The following PGAP4 variants were observed in gnomAD, a reference collection of about 807,000 sequenced individuals.
PGAP4 encodes the protein GPI-N-acetylgalactosamine transferase PGAP4.
Under a neutral mutation model 28.2 loss-of-function variants are expected in PGAP4, and 12 were observed. That is an observed-to-expected ratio of 0.42 (90% CI 0.27 to 0.69). The LOEUF (loss-of-function observed/expected upper bound fraction) is 0.69. PGAP4 is among the 30% of genes least tolerant of loss of function. The probability of loss-of-function intolerance (pLI) is 0.22; values close to 1 mark genes in which losing one functional copy is unlikely to be tolerated. For synonymous variants in PGAP4, 205 were observed against 211.8 expected (o/e 0.97, Z 0.28); for missense variants, 425 against 513.5 (o/e 0.83, Z 1.67).
At chr9:101,510,129 A>C (rs574827214) in intron 2 of PGAP4, among the ~76,000 whole-genome samples, 1 of 152,196 alleles carries the variant, frequency 6.6e-6, no homozygotes, top group Non-Finnish European at 1.5e-5. Flanking sequence ...GTTGTGCCTC[A>C]GTATCCTCTG....
Position 101,495,813 on chromosome 9 carries a change from T to A in PGAP4, c.-164-6613A>T, listed in dbSNP as rs189439402. Among the ~76,000 whole-genome samples, 261 of 151,244 alleles carry A rather than the reference T, an allele frequency of 1.7e-3. 2 individuals are homozygous for A. In the Middle Eastern group the frequency reaches 0.031, roughly 18 times the overall value. The stretch of plus-strand genomic sequence containing the variant: ...AAACATAAAATGTTTGAGTTTTTTT[T>A]TTAAGGCCAGTTACAAAAAGGTAAA... On this transcript the variant is annotated intron_variant, in intron 2 of 3. Coordinates refer to the PGAP4 transcript ENST00000374851.
intron 2 of PGAP4, among the ~76,000 whole-genome samples, chr9:101,509,007 AT>A (rs1299799888): frequency 6.6e-6 from 1 of 152,130 alleles, no homozygotes; most frequent in African/African-American, 2.4e-5. Flanking sequence ...GACAGTTAGG[AT>A]TTGAAGTTGT....
rs189720038 is a variant in PGAP4 at position 101,530,064 on chromosome 9, C to T, written c.-165+1284G>A. On this transcript the variant is annotated intron_variant, in intron 2 of 3. Coordinates refer to the PGAP4 transcript ENST00000374851. ...CCAGATTTCATGGAATATTGGAATG[C>T]CTGGAGATATAACAATCTTAGAACA... Among the ~76,000 whole-genome samples the T allele has an allele frequency of 4.6e-5, 7 of 152,240 alleles. No individual in the cohort carries two copies. In the East Asian group the frequency reaches 1.4e-3, roughly 29 times the overall value.
chr9:101,523,765 C>G (rs946273372), intron 2 of PGAP4, among the ~76,000 whole-genome samples: 5 of 151,148 alleles, frequency 3.3e-5, no homozygotes, highest in African/African-American at 9.8e-5. Flanking sequence ...GGTTTGGATC[C>G]ATTGCTGGTG....
At chr9:101,501,780 A>G (rs1826803346) in intron 2 of PGAP4, 1 of 517,946 alleles carries the variant, frequency 1.9e-6, no homozygotes, top group Non-Finnish European at 3.9e-6. Context: ...GGATTGAACA[A>G]TGCCAGACAC....
intron 2 of PGAP4, among the ~76,000 whole-genome samples, chr9:101,493,025 C>A: frequency 6.6e-6 from 1 of 152,012 alleles, no homozygotes; most frequent in Non-Finnish European, 1.5e-5. Flanking sequence ...GAGGCCGAGG[C>A]GGGCGGATCA....
intron 2 of PGAP4, among the ~76,000 whole-genome samples, chr9:101,515,565 AG>A (rs1267106665): frequency 6.6e-6 from 1 of 152,208 alleles, no homozygotes; most frequent in Non-Finnish European, 1.5e-5. Flanking sequence ...AGGACTAAAA[AG>A]GTTTTGCTGA....
chr9:101,481,560 C>T (rs929374330), intron 1 of PGAP4: 3 of 152,256 alleles, frequency 2.0e-5, no homozygotes, highest in Admixed American at 6.5e-5. Context: ...AATTCTCTAC[C>T]TGTTACCATA....
intron 2 of PGAP4, among the ~76,000 whole-genome samples, chr9:101,494,155 G>C (rs1227933287): frequency 1.3e-5 from 2 of 151,924 alleles, no homozygotes; most frequent in African/African-American, 2.4e-5. Context: ...TTTTAAGGCT[G>C]AGAATTCTTG....
At chr9:101,516,993 G>A (rs11790317) in intron 2 of PGAP4, among the ~76,000 whole-genome samples, 13,838 of 152,166 alleles carry the variant, frequency 0.091, 670 homozygotes, top group Middle Eastern at 0.14. Context: ...CATGCTGATT[G>A]AAGACTGAAG....
Position 101,473,229 on chromosome 9 carries a change from C to G in PGAP4, c.*2652G>C, listed in dbSNP as rs1241140767. 1.3e-5 allele frequency: 2 copies of G among 152,202 alleles called. No homozygotes were observed. The highest frequency in any genetic ancestry group is 2.4e-5 in the African/African-American group (1 of 41,448). 9.4% of individuals were successfully genotyped at this position (152,202 alleles called of 1,614,324 possible). On this transcript the variant is annotated 3_prime_UTR_variant, in exon 2 of 2. Transcript: ENST00000374848. ...CATGTCTATGCAATACACTCAGTCACAAGAGAGAGCTTCTTAAGCCTGACC... is the reference window on the plus strand; with the variant it reads ...CATGTCTATGCAATACACTCAGTCAGAAGAGAGAGCTTCTTAAGCCTGACC...
intron 2 of PGAP4, among the ~76,000 whole-genome samples, chr9:101,523,638 T>G (rs1272950247): frequency 9.8e-6 from 1 of 102,534 alleles, no homozygotes. Flanking sequence ...TTTTTTTTTT[T>G]TTTTTTTTTT....
At chr9:101,489,430 G>A (rs781607286), upstream of PGAP4, among the ~76,000 whole-genome samples, 3 of 152,076 alleles carry the variant, frequency 2.0e-5, no homozygotes, top group Admixed American at 6.6e-5. Flanking sequence ...AAGGCATAGT[G>A]CAGTGCATAC....
intron 2 of PGAP4, among the ~76,000 whole-genome samples, chr9:101,509,953 C>T (rs1826881192): frequency 6.6e-6 from 1 of 152,172 alleles, no homozygotes; most frequent in African/African-American, 2.4e-5. Flanking sequence ...AATAGTTCTG[C>T]AGCCATAGTG....
At chr9:101,507,556 T>G (rs1826858086) in intron 2 of PGAP4, among the ~76,000 whole-genome samples, 1 of 152,138 alleles carries the variant, frequency 6.6e-6, no homozygotes. Flanking sequence ...GCTCAGTTCT[T>G]GAACCCCTTC....
upstream of PGAP4, among the ~76,000 whole-genome samples, chr9:101,491,818 T>TATAC (rs1216581215): frequency 1.2e-5 from 1 of 82,546 alleles, no homozygotes; most frequent in African/African-American, 3.7e-5. Flanking sequence ...AAAGGATATA[T>TATAC]ATATATATAT....
chr9:101,476,685 G>A lies in PGAP4; in HGVS notation c.408C>T (p.Cys136=), dbSNP rs73501251. The change falls in exon 2 of 2, where the codon TGC becomes TGT. Residue 136 remains cysteine (C), a synonymous_variant. Transcript: ENST00000374848. This position sits in a 1 kb window ranked among gnomAD's most constrained non-coding sequence, Gnocchi z 7.0. ...HRLLQQCGPQ[C]EGHQLFLCNV... ...TGCACAGGAAGAGTTGGTGCCCCTC[G>A]CACTGGGGGCCACATTGCTGAAGAA... is the stretch of plus-strand genomic sequence containing the variant. 3,080 of 1,614,068 alleles carry A rather than the reference G, an allele frequency of 1.9e-3. 53 individuals are homozygous for A. In the African/African-American group the frequency reaches 0.036, roughly 19 times the overall value.
intron 2 of PGAP4, among the ~76,000 whole-genome samples, chr9:101,497,315 T>A (rs1002820903): frequency 2.0e-5 from 3 of 151,632 alleles, no homozygotes; most frequent in Non-Finnish European, 4.4e-5. Context: ...GTCACTACTT[T>A]AAGTTACTTT....
intron 2 of PGAP4, among the ~76,000 whole-genome samples, chr9:101,507,645 A>C (rs1158290970): frequency 6.6e-6 from 1 of 152,130 alleles, no homozygotes; most frequent in East Asian, 1.9e-4. Flanking sequence ...CTGCTTTGGG[A>C]TTGCTCAATT....
Sources: allele counts gnomAD v4.1 joint callset (sites outside exome capture counted in the v4.1 genomes callset), GRCh38; gene constraint gnomAD v4.1.1; non-coding constraint Gnocchi (gnomAD v3.1); transcripts MANE v1.5; gene names NCBI Gene and HGNC (gene_info 2026-07-23, HGNC 2026-07-21).